LIMS1: variants seen among roughly 807,000 people sequenced by gnomAD.
LIMS1 encodes LIM and senescent cell antigen-like-containing domain protein 1.
LIMS1 carries 18 observed loss-of-function variants against 44.1 expected under a neutral mutation model. The observed-to-expected ratio is 0.41, with a 90% CI of 0.28 to 0.61. The LOEUF (loss-of-function observed/expected upper bound fraction) is 0.61, where lower values mean the gene tolerates loss of function less well. Ranked by LOEUF, LIMS1 falls within the 20% of genes least tolerant of loss-of-function variation. The probability of loss-of-function intolerance (pLI) is 0.32; values close to 1 mark genes in which losing one functional copy is unlikely to be tolerated. For missense variants in LIMS1, 201 were observed against 422.0 expected (o/e 0.48, Z 4.59); for synonymous variants, 93 against 149.1 (o/e 0.62, Z 2.74).
At chr2:108,673,312 A>C (rs1040571205) in intron 5 of LIMS1, 1 of 503,252 alleles carries the variant, frequency 2.0e-6, no homozygotes, top group Admixed American at 3.6e-5. Context: ...ATACCTCTAA[A>C]ATTTCTCATG....
intron 9 of LIMS1, chr2:108,681,065 A>C (rs1289355001): frequency 8.8e-5 from 114 of 1,294,556 alleles, no homozygotes; most frequent in Non-Finnish European, 1.1e-4. Flanking sequence ...AACGGGAGAG[A>C]GAAGCAAAGG....
intron 1 of LIMS1, among the ~76,000 whole-genome samples, chr2:108,570,966 A>G (rs1685460994): frequency 6.6e-6 from 1 of 152,218 alleles, no homozygotes; most frequent in South Asian, 2.1e-4. Flanking sequence ...ACATTTCTCA[A>G]AGTTGCTAAA....
In LIMS1 at chr2:108,540,343, C is replaced by T. The variant is rs970505728; in HGVS notation, c.32+5749C>T. Among the ~76,000 whole-genome samples, 4 of 151,938 alleles carry T rather than the reference C, an allele frequency of 2.6e-5. No homozygotes were observed. In the East Asian group the frequency reaches 5.8e-4, roughly 22 times the overall value. ...CTTCCCAAGTAGCTAGGACTACAGG[C>T]GCCTGCCACAACACCTGGCTAATTT... is the stretch of plus-strand genomic sequence containing the variant. On this transcript the variant is annotated intron_variant, in intron 1 of 9. Coordinates refer to ENST00000544547, the Ensembl canonical transcript of LIMS1.
At chr2:108,621,378 G>C in intron 1 of LIMS1, 1 of 1,550,184 alleles carries the variant, frequency 6.5e-7, no homozygotes, top group Non-Finnish European at 8.7e-7. Flanking sequence ...AGCTTAAAGA[G>C]CTTTCACATT....
At position 108,610,148 on chromosome 2, in the gene LIMS1, A is replaced by ATGTGTG. The variant is rs60571292; in HGVS notation, c.33-49415_33-49410dup. Among the ~76,000 whole-genome samples, 986 of 143,350 alleles carry ATGTGTG rather than the reference A, an allele frequency of 6.9e-3. 3 individuals carry two copies. The highest frequency in any genetic ancestry group is 8.1e-3 in the African/African-American group (306 of 37,888). The allele number at this position is 143,350 out of a possible 152,430, so 94.0% of individuals were successfully genotyped here. A position where few individuals can be genotyped will look rare whatever the true frequency, so the allele number is the denominator to read the frequency against. On this transcript the variant is annotated intron_variant, in intron 1 of 9. Coordinates refer to ENST00000544547, the Ensembl canonical transcript of LIMS1. Reference sequence around the variant, plus strand: ...ACAAAGTGAGACTCTGTTACAAAAAATGTGTGTGTGTGTGTGTGTGTGTGT... The same window carrying ATGTGTG: ...ACAAAGTGAGACTCTGTTACAAAAAATGTGTGTGTGTGTGTGTGTGTGTGTGTGTGT...
At chr2:108,623,920 A>G (rs548954963) in intron 1 of LIMS1, among the ~76,000 whole-genome samples, 4 of 152,282 alleles carry the variant, frequency 2.6e-5, no homozygotes, top group African/African-American at 7.2e-5. Flanking sequence ...CTTAAAGAGC[A>G]CTGTAATACA....
intron 2 of LIMS1, among the ~76,000 whole-genome samples, chr2:108,670,393 G>T (rs1179623609): frequency 1.3e-5 from 2 of 151,352 alleles, no homozygotes; most frequent in Non-Finnish European, 2.9e-5. Context: ...GAGAATTACA[G>T]ATATCGACCT....
At chr2:108,536,116 C>T (rs1362209111) in intron 1 of LIMS1, among the ~76,000 whole-genome samples, 2 of 152,182 alleles carry the variant, frequency 1.3e-5, no homozygotes, top group East Asian at 1.9e-4. Context: ...ATAATAGTTT[C>T]CTTTTAAGAC....
intron 1 of LIMS1, among the ~76,000 whole-genome samples, chr2:108,654,040 G>A (rs62149957): frequency 0.35 from 52,901 of 149,444 alleles, 11,262 homozygotes; most frequent in East Asian, 0.88. Context: ...TTGAGTTTGT[G>A]TCTGTCCTTT....
intron 1 of LIMS1, among the ~76,000 whole-genome samples, chr2:108,638,317 C>G (rs1295367486): frequency 4.6e-5 from 7 of 152,234 alleles, no homozygotes; most frequent in Non-Finnish European, 8.8e-5. Context: ...GTCTGGGTGT[C>G]TGGGTAGGGA....
chr2:108,597,903 A>G (rs1686799147), intron 1 of LIMS1, among the ~76,000 whole-genome samples: 1 of 151,964 alleles, frequency 6.6e-6, no homozygotes, highest in African/African-American at 2.4e-5. Context: ...TATGTTGGCA[A>G]GGCTGGTCTT....
At chr2:108,670,082 AAT>A in intron 2 of LIMS1, among the ~76,000 whole-genome samples, 1 of 152,174 alleles carries the variant, frequency 6.6e-6, no homozygotes. Flanking sequence ...CAAGTACAAA[AAT>A]ATACTAGGAT....
At chr2:108,648,549 C>T (rs1200426435) in intron 1 of LIMS1, among the ~76,000 whole-genome samples, 2 of 152,200 alleles carry the variant, frequency 1.3e-5, no homozygotes, top group African/African-American at 4.8e-5. Flanking sequence ...CGCTACCTGA[C>T]TTCAAAGTAT....
At chr2:108,673,897 ATGT>A (rs1401326925) in intron 5 of LIMS1, 1 of 152,226 alleles carries the variant, frequency 6.6e-6, no homozygotes, top group African/African-American at 2.4e-5. Context: ...ATCTTAAAAG[ATGT>A]TGTTACATTT....
At chr2:108,680,164 A>G (rs559116608) in intron 8 of LIMS1, among the ~76,000 whole-genome samples, 5 of 151,828 alleles carry the variant, frequency 3.3e-5, no homozygotes, top group Non-Finnish European at 7.4e-5. Flanking sequence ...AGGTCAAGAG[A>G]TTGAGACCAT....
chr2:108,659,443 C>T (rs1002376645), intron 1 of LIMS1, among the ~76,000 whole-genome samples, 162 bp from the exon 2 acceptor site: 2 of 152,192 alleles, frequency 1.3e-5, no homozygotes, highest in Non-Finnish European at 2.9e-5. Context: ...CTGAAGAGTC[C>T]GAGTTCAGAG....
intron 9 of LIMS1, 106 bp from the exon 10 acceptor site, chr2:108,683,778 AC>A (rs1289084768): frequency 6.0e-6 from 3 of 500,378 alleles, no homozygotes; most frequent in Non-Finnish European, 1.1e-5. Context: ...TAATATCATC[AC>A]CTAGTTGCCT....
At chr2:108,665,700 T>C (rs1457372578) in intron 2 of LIMS1, among the ~76,000 whole-genome samples, 1 of 151,792 alleles carries the variant, frequency 6.6e-6, no homozygotes, top group African/African-American at 2.4e-5. Context: ...CTAATTTTTG[T>C]ATTTTTAGTA....
intron 1 of LIMS1, among the ~76,000 whole-genome samples, chr2:108,558,255 T>C (rs1684991055): frequency 6.6e-6 from 1 of 151,630 alleles, no homozygotes; most frequent in African/African-American, 2.4e-5. Context: ...TCTTGTTCTG[T>C]CGCCCAGGCT....
Sources: gnomAD v4.1 joint callset for allele counts (sites outside exome capture counted in the v4.1 genomes callset) on GRCh38, gnomAD v4.1.1 for gene constraint, MANE v1.5 for transcripts, NCBI Gene and HGNC (gene_info 2026-07-23, HGNC 2026-07-21) for gene names.